Variants in AFF1 observed in about 807,000 individuals in gnomAD.
AFF1 encodes AF4/FMR2 family member 1.
A neutral mutation model predicts 121.7 loss-of-function variants in AFF1; 48 were observed. The observed-to-expected ratio is 0.39, with a 90% confidence interval of 0.31 to 0.50. AFF1 has a LOEUF of 0.50. Among genes scored for constraint, AFF1 ranks in the 20% least tolerant of loss-of-function variants. AFF1 has a pLI of 0.76. For synonymous variants in AFF1, 613 were observed against 563.0 expected, an observed-to-expected ratio of 1.09 and a Z score of -1.26; for missense variants, 1,523 against 1,511.7, an observed-to-expected ratio of 1.01 and a Z score of -0.12.
rs557074546 is a variant in AFF1, at chr4:87,105,824, C to G, written c.1355C>G (p.Pro452Arg). The change falls in exon 10 of 21, where the codon CCC becomes CGC. Residue 452 changes from proline to arginine, a missense_variant. By Grantham distance (103) the Pro-to-Arg change is moderately radical. This residue lies in a region of AFF1 where 905 missense variants were observed against 842.5 expected (regional missense o/e 1.07). Transcript: ENST00000395146. ...SDSEQTPEKP[P>R]SSSAPPSAPQ... Reference sequence around the variant, plus strand: ...AATGCCTAGACCCCAGAGAAGCCTCCCTCCTCATCTGCACCTCCAAGGTAC... The same window carrying G: ...AATGCCTAGACCCCAGAGAAGCCTCGCTCCTCATCTGCACCTCCAAGGTAC... 1.9e-6 allele frequency: 3 copies of G among 1,614,134 alleles called. No homozygotes were observed. The highest frequency in any genetic ancestry group is 4.5e-5 in the East Asian group (2 of 44,874).
At chr4:86,948,439 G>T in intron 1 of AFF1, 59 bp from the exon 2 acceptor site, 3 of 1,163,834 alleles carry the variant, frequency 2.6e-6, no homozygotes, top group South Asian at 2.7e-5. Context: ...CAGGTCATGC[G>T]TATCCCTGAA....
At chr4:86,960,617 G>T (rs563904717) in intron 2 of AFF1, among the ~76,000 whole-genome samples, 1 of 152,174 alleles carries the variant, frequency 6.6e-6, no homozygotes, top group Non-Finnish European at 1.5e-5. Context: ...ACTAAAGTAT[G>T]TGCATACTTT....
intron 1 of AFF1, among the ~76,000 whole-genome samples, chr4:86,943,077 G>GAAT (rs1227402890): frequency 6.6e-6 from 1 of 152,238 alleles, no homozygotes; most frequent in African/African-American, 2.4e-5. Flanking sequence ...GCCTCTCTGA[G>GAAT]AATGTCATTG....
chr4:87,059,986 G>A (rs1720567977), intron 4 of AFF1, among the ~76,000 whole-genome samples: 1 of 152,196 alleles, frequency 6.6e-6, no homozygotes, highest in Non-Finnish European at 1.5e-5. Context: ...CTCTGGTCTG[G>A]AGTCTGAAAG....
intron 4 of AFF1, among the ~76,000 whole-genome samples, chr4:87,073,342 A>G (rs1448206440): frequency 1.3e-5 from 2 of 149,350 alleles, no homozygotes; most frequent in African/African-American, 5.0e-5. Context: ...ACTTGTTCAG[A>G]ATTAAGATGT....
In AFF1 at chr4:87,114,626, A is replaced by G. The variant is rs1180398238; in HGVS notation, c.1793A>G (p.Gln598Arg). The G allele has an allele frequency of 7.1e-7, 1 of 1,399,252 alleles. No homozygotes were observed. The highest frequency in any genetic ancestry group is 4.1e-5 in the East Asian group (1 of 24,380). The allele number at this position is 1,399,252 out of a possible 1,614,324, so 86.7% of individuals were successfully genotyped here. Residue 598 changes from glutamine to arginine, a missense_variant, in exon 12 of 21, where the codon CAG becomes CGG. By Grantham distance (43) the Gln-to-Arg change is conservative (BLOSUM62 1). Around this residue, in one of 5 missense-constraint regions of AFF1, gnomAD observed 905 missense variants for 842.5 expected, o/e 1.07. Transcript: ENST00000395146. Reference sequence around the variant, plus strand: ...AGGAGCTGTCAGAAGTCTCCGGCACAGCAGGAGCCCCCACAAAGGCAAACC... The same window carrying G: ...AGGAGCTGTCAGAAGTCTCCGGCACGGCAGGAGCCCCCACAAAGGCAAACC... ...GKRSCQKSPA[Q>R]QEPPQRQTVG...
intron 2 of AFF1, among the ~76,000 whole-genome samples, chr4:87,005,072 A>G (rs1725994384): frequency 6.6e-6 from 1 of 152,176 alleles, no homozygotes; most frequent in African/African-American, 2.4e-5. Context: ...CAGTGGCACA[A>G]TCTCAGCTCA....
At chr4:87,044,805 G>T (rs1422092672) in intron 2 of AFF1, among the ~76,000 whole-genome samples, 1 of 152,180 alleles carries the variant, frequency 6.6e-6, no homozygotes, top group African/African-American at 2.4e-5. Context: ...CTCAGGGGAT[G>T]GACGTGACTG....
intron 2 of AFF1, chr4:87,007,365 A>G (rs769190655): frequency 2.5e-6 from 4 of 1,612,948 alleles, no homozygotes; most frequent in African/African-American, 1.3e-5. Context: ...CGCGGGGTGA[A>G]GGCGCTCATG....
At chr4:87,067,909 T>TATCA (rs1279289988) in intron 4 of AFF1, among the ~76,000 whole-genome samples, 2 of 152,242 alleles carry the variant, frequency 1.3e-5, no homozygotes, top group East Asian at 3.8e-4. Flanking sequence ...TTTATTTCTC[T>TATCA]ATCAGTGTGC....
chr4:87,030,958 A>G (rs1353583042), intron 2 of AFF1, among the ~76,000 whole-genome samples: 1 of 152,162 alleles, frequency 6.6e-6, no homozygotes, highest in African/African-American at 2.4e-5. Context: ...CTAAACTCCC[A>G]CATCCACACT....
rs1578882367 is a variant in AFF1 at position 86,977,745 on chromosome 4, A to T, written c.38+29174A>T. ...ATCCCATTGCCAAGAATAGTACCTA[A>T]CACTGGCACATACTGGGCACTCAAT... is the stretch of plus-strand genomic sequence containing the variant. On this transcript the variant is annotated intron_variant, in intron 2 of 20. Coordinates refer to ENST00000395146, the MANE Select transcript of AFF1 (RefSeq NM_001166693.3). Among the ~76,000 whole-genome samples, 3 of 152,206 alleles carry T rather than the reference A, an allele frequency of 2.0e-5. No individual in the cohort carries two copies. The East Asian group carries it at 5.8e-4, about 29-fold the overall frequency.
intron 4 of AFF1, among the ~76,000 whole-genome samples, chr4:87,079,889 A>G (rs1410123560): frequency 6.6e-6 from 1 of 152,216 alleles, no homozygotes; most frequent in East Asian, 1.9e-4. Flanking sequence ...GATGTATCTT[A>G]CAGTTGATGG....
Position 86,943,678 on chromosome 4 carries a change from A to G in AFF1, c.-36-4820A>G, listed in dbSNP as rs141310887. Among the ~76,000 whole-genome samples, 50 of 152,154 alleles carry G rather than the reference A, an allele frequency of 3.3e-4. 2 individuals are homozygous for G. In the East Asian group the frequency reaches 9.3e-3, roughly 28 times the overall value. On this transcript the variant is annotated intron_variant, in intron 1 of 20. Transcript: ENST00000395146. ...TGTCTCTACAAAAAATACAAAAATTAGCCGGGTGCAGTGGCTCATTCCTGT... is the reference window on the plus strand; with the variant it reads ...TGTCTCTACAAAAAATACAAAAATTGGCCGGGTGCAGTGGCTCATTCCTGT...
chr4:87,082,381 C>G (rs1723262551), intron 4 of AFF1, among the ~76,000 whole-genome samples: 4 of 152,016 alleles, frequency 2.6e-5, no homozygotes, highest in Admixed American at 2.6e-4. Context: ...ACAAAAAGGC[C>G]TGGTTGTTTG....
intron 2 of AFF1, among the ~76,000 whole-genome samples, chr4:87,031,555 A>G (rs1001753121): frequency 6.6e-6 from 1 of 152,046 alleles, no homozygotes; most frequent in Non-Finnish European, 1.5e-5. Flanking sequence ...TGTTTACTGG[A>G]AATCAGGGGC....
intron 2 of AFF1, among the ~76,000 whole-genome samples, chr4:87,014,060 T>C (rs1560539974): frequency 6.6e-6 from 1 of 152,170 alleles, no homozygotes; most frequent in Non-Finnish European, 1.5e-5. Context: ...AAGGTGGATA[T>C]CTACGTCCAT....
chr4:87,093,556 A>G (rs1290103031), intron 7 of AFF1, among the ~76,000 whole-genome samples: 1 of 152,146 alleles, frequency 6.6e-6, no homozygotes, highest in Non-Finnish European at 1.5e-5. Flanking sequence ...TTATATGTCC[A>G]CAATTGCAAA....
intron 4 of AFF1, among the ~76,000 whole-genome samples, chr4:87,057,089 T>C (rs1720223863): frequency 6.6e-6 from 1 of 152,152 alleles, no homozygotes; most frequent in African/African-American, 2.4e-5. Context: ...CTGTACATTT[T>C]TTTTTTAAGA....
Sources: allele counts gnomAD v4.1 joint callset (sites outside exome capture counted in the v4.1 genomes callset), GRCh38; gene constraint gnomAD v4.1.1; regional missense constraint gnomAD v4.1.1; transcripts MANE v1.5; gene names NCBI Gene and HGNC (gene_info 2026-07-23, HGNC 2026-07-21).